The following ULK4 variants were observed in gnomAD, a reference collection of about 807,000 sequenced individuals.
ULK4 encodes the protein inactive serine/threonine-protein kinase ULK4.
ULK4 carries 133 observed loss-of-function variants against 160.6 expected under a neutral mutation model. The observed-to-expected ratio is 0.83, with a 90% CI of 0.72 to 0.96. The LOEUF is 0.96. Among genes scored for constraint, ULK4 ranks in the 40% least tolerant of loss-of-function variants. The probability of loss-of-function intolerance (pLI) is 0.00; values close to 1 mark genes in which losing one functional copy is unlikely to be tolerated. For missense variants in ULK4, 1,580 were observed against 1,499.5 expected (o/e 1.05, Z -0.89); for synonymous variants, 534 against 539.8 (o/e 0.99, Z 0.15).
chr3:41,376,868 A>T (rs1575486263), intron 35 of ULK4, among the ~76,000 whole-genome samples: 2 of 149,996 alleles, frequency 1.3e-5, no homozygotes, highest in South Asian at 2.2e-4. Context: ...GAATTGGAAA[A>T]AACTACTTTC....
At chr3:41,309,647 T>G (rs60344201) in intron 35 of ULK4, among the ~76,000 whole-genome samples, 23,538 of 152,152 alleles carry the variant, frequency 0.15, 2,159 homozygotes, top group African/African-American at 0.25. Context: ...ATTATAGGAA[T>G]TCTAAATGTT....
chr3:41,441,087 T>C (rs9841849), intron 34 of ULK4, among the ~76,000 whole-genome samples: 80,544 of 151,866 alleles, frequency 0.53, 21,779 homozygotes, highest in East Asian at 0.69. Flanking sequence ...TCTCAAAGAA[T>C]TGGGTTTTGA....
intron 21 of ULK4, among the ~76,000 whole-genome samples, chr3:41,771,453 T>C (rs138479359): frequency 3.8e-4 from 58 of 152,224 alleles, no homozygotes; most frequent in Admixed American, 1.0e-3. Flanking sequence ...TAAATGTAAA[T>C]TTATGATTTG....
rs755564689 is a variant in ULK4 at position 41,883,882 on chromosome 3, C to T, written c.1648G>A (p.Val550Ile). ...HTAELQENTP[V>I]VEAIVLLTEL... ...GTAATAAAAGACATTACCTCAACAACAGGTGTATTTTCCTGGAGCTCAGCT... is the reference window on the plus strand; with the variant it reads ...GTAATAAAAGACATTACCTCAACAATAGGTGTATTTTCCTGGAGCTCAGCT... Residue 550 changes from valine to isoleucine, a missense_variant, in exon 17 of 37, where the codon GTT (valine) becomes ATT (isoleucine). Coordinates refer to ENST00000301831, the MANE Select transcript of ULK4 (RefSeq NM_017886.4). 38 of 1,604,616 alleles carry T rather than the reference C, an allele frequency of 2.4e-5. No homozygotes were observed. The East Asian group carries it at 7.6e-4, about 32-fold the overall frequency.
rs192522875 is a variant in ULK4 at position 41,625,089 on chromosome 3, C to T, written c.3072-9372G>A. Among the ~76,000 whole-genome samples, 3 of 152,166 alleles carry T rather than the reference C, an allele frequency of 2.0e-5. No individual in the cohort carries two copies. In the East Asian group the frequency reaches 5.8e-4, roughly 29 times the overall value. On this transcript the variant is annotated intron_variant, in intron 30 of 36. Transcript: ENST00000301831. ...TGCAAACATTTACAATTCTCTAAGG[C>T]AGAATTTTTCTAAATTGTGAGAGGT...
chr3:41,898,226 G>T (rs1225048977), intron 14 of ULK4, among the ~76,000 whole-genome samples: 1 of 152,190 alleles, frequency 6.6e-6, no homozygotes. Context: ...GGACTGGGCA[G>T]CCCAGACTCA....
At chr3:41,664,723 T>G (rs760200623) in intron 29 of ULK4, among the ~76,000 whole-genome samples, 4 of 152,130 alleles carry the variant, frequency 2.6e-5, no homozygotes, top group African/African-American at 4.8e-5. Flanking sequence ...AATATTTTGT[T>G]TACAAAATTT....
At chr3:41,622,801 A>G (rs545552538) in intron 30 of ULK4, among the ~76,000 whole-genome samples, 3 of 152,336 alleles carry the variant, frequency 2.0e-5, no homozygotes, top group African/African-American at 7.2e-5. Context: ...ATACTCTTTT[A>G]GTCCAGGGTT....
At chr3:41,658,812 T>C (rs1220793564) in intron 30 of ULK4, among the ~76,000 whole-genome samples, 1 of 151,986 alleles carries the variant, frequency 6.6e-6, no homozygotes, top group African/African-American at 2.4e-5. Context: ...TTTCTCTGTA[T>C]ACCCTTCAAA....
chr3:41,318,336 C>T (rs139006545), intron 35 of ULK4, among the ~76,000 whole-genome samples: 192 of 152,040 alleles, frequency 1.3e-3, no homozygotes, highest in African/African-American at 4.5e-3. Context: ...TTGGTTTGAA[C>T]TGGGTTGTTA....
At chr3:41,484,204 T>C (rs1237219813) in intron 32 of ULK4, among the ~76,000 whole-genome samples, 1 of 152,174 alleles carries the variant, frequency 6.6e-6, no homozygotes, top group African/African-American at 2.4e-5. Flanking sequence ...AATTTGATAC[T>C]GATAATATCA....
At chr3:41,693,027 T>G (rs1032782643) in intron 27 of ULK4, among the ~76,000 whole-genome samples, 1 of 152,218 alleles carries the variant, frequency 6.6e-6, no homozygotes, top group Non-Finnish European at 1.5e-5. Flanking sequence ...CATTGGAAAT[T>G]CATAAATAAC....
At chr3:41,953,107 G>A (rs1700343106) in intron 2 of ULK4, among the ~76,000 whole-genome samples, 1 of 151,720 alleles carries the variant, frequency 6.6e-6, no homozygotes, top group Non-Finnish European at 1.5e-5. Flanking sequence ...AAACAGTTAT[G>A]GGGATAGATG....
rs1479142046 is a variant in ULK4 at position 41,911,536 on chromosome 3, C to G, written c.1015+5G>C. The G allele has an allele frequency of 1.2e-6, 2 of 1,611,990 alleles. No homozygotes were observed. Among genetic ancestry groups the G allele is most frequent in the African/African-American group, 1.3e-5 (1 of 74,998 alleles). ...GTAGCATGAATGTGCTCAAATAAAA[C>G]TTACCTAGTCTGAAAGAGTGACCTA... On this transcript the variant is annotated splice_donor_5th_base_variant and intron_variant, in intron 10 of 36. Transcript: ENST00000301831.
intron 31 of ULK4, among the ~76,000 whole-genome samples, chr3:41,609,407 T>C (rs1207941054): frequency 6.6e-6 from 1 of 152,176 alleles, no homozygotes; most frequent in Non-Finnish European, 1.5e-5. Flanking sequence ...TGCAAACATG[T>C]ATTTATGACA....
intron 34 of ULK4, among the ~76,000 whole-genome samples, chr3:41,420,046 G>A (rs924804516): frequency 2.6e-5 from 4 of 151,576 alleles, no homozygotes; most frequent in Non-Finnish European, 5.9e-5. Flanking sequence ...ATTAACGTAA[G>A]TTTATTCCTT....
chr3:41,701,020 A>C (rs183210722), intron 27 of ULK4, among the ~76,000 whole-genome samples: 391 of 152,298 alleles, frequency 2.6e-3, no homozygotes, highest in Non-Finnish European at 4.4e-3. Flanking sequence ...AAAAAAAGAA[A>C]TAAAATCATT....
rs185577893 is a variant in ULK4, at chr3:41,773,684, C to T, written c.2193+15977G>A. ...TAAATTCAATGCCATACCCATCAAG[C>T]TACCAATGACTTTCTTCACAGAATT... On this transcript the variant is annotated intron_variant, in intron 21 of 36. Transcript: ENST00000301831. Among the ~76,000 whole-genome samples, 736 of 152,254 alleles carry T rather than the reference C, an allele frequency of 4.8e-3. 3 individuals carry two copies. The highest frequency in any genetic ancestry group is 8.5e-3 in the Non-Finnish European group (580 of 68,018).
chr3:41,444,169 A>G (rs928340617), intron 34 of ULK4, among the ~76,000 whole-genome samples: 4 of 152,190 alleles, frequency 2.6e-5, no homozygotes, highest in Non-Finnish European at 5.9e-5. Context: ...CCAGCTTCCA[A>G]CTTTGAAGAT....
Sources: gnomAD v4.1 joint callset for allele counts (sites outside exome capture counted in the v4.1 genomes callset) on GRCh38, gnomAD v4.1.1 for gene constraint, MANE v1.5 for transcripts, NCBI Gene and HGNC (gene_info 2026-07-23, HGNC 2026-07-21) for gene names.